The following ZNF516 variants were observed in gnomAD, a reference collection of about 807,000 sequenced individuals.
ZNF516 encodes zinc finger protein 516.
Under a neutral mutation model 79.7 loss-of-function variants are expected in ZNF516, and 19 were observed. That is an observed-to-expected ratio of 0.24 (90% CI 0.17 to 0.35). ZNF516 has a LOEUF of 0.35. Among genes scored for constraint, ZNF516 ranks in the 10% least tolerant of loss-of-function variants. The probability of loss-of-function intolerance (pLI) is 1.00; values close to 1 mark genes in which losing one functional copy is unlikely to be tolerated. For missense variants in ZNF516, 1,678 were observed against 1,679.5 expected, an observed-to-expected ratio of 1.00 and a Z score of 0.02; for synonymous variants, 877 against 739.5, an observed-to-expected ratio of 1.19 and a Z score of -3.02.
upstream of ZNF516, chr18:76,495,853 G>A: frequency 1.4e-6 from 1 of 695,540 alleles, no homozygotes; most frequent in Non-Finnish European, 1.9e-6. Flanking sequence ...TGCCTCTGGG[G>A]GTGTTCAGAT....
chr18:76,493,059 AC>A lies in ZNF516; in HGVS notation c.-272+2084del. ...GGATTGGCCAGCAGAGCCGTCACTC[AC>A]GCCCAGGGGGCAGGGAGACTTCGCA... On this transcript the variant is annotated intron_variant, in intron 1 of 6. Transcript: ENST00000443185. This position sits in a 1 kb window ranked among gnomAD's most constrained non-coding sequence, Gnocchi z 5.2. 1 of 984,004 alleles carries A rather than the reference AC, an allele frequency of 1.0e-6. No homozygotes were observed. The highest frequency in any genetic ancestry group is 1.8e-5 in the African/African-American group (1 of 56,880). 61.0% of individuals were successfully genotyped at this position (984,004 alleles called of 1,614,324 possible).
At chr18:76,492,254 G>T in intron 1 of ZNF516, 1 of 985,470 alleles carries the variant, frequency 1.0e-6, no homozygotes, top group Non-Finnish European at 1.2e-6. Flanking sequence ...GGCTCAGGTC[G>T]GGTCCGTACG....
chr18:76,364,454 G>A (rs965333326), intron 6 of ZNF516, among the ~76,000 whole-genome samples: 1 of 152,184 alleles, frequency 6.6e-6, no homozygotes, highest in African/African-American at 2.4e-5. Flanking sequence ...GGAAAGAGTA[G>A]TCAAAACATG....
chr18:76,423,822 T>TA (rs1568279098), intron 3 of ZNF516, among the ~76,000 whole-genome samples: 5 of 127,246 alleles, frequency 3.9e-5, no homozygotes, highest in Non-Finnish European at 7.9e-5. Context: ...GTGAAAAGGT[T>TA]CCCCCATGAA....
intron 6 of ZNF516, 147 bp downstream of exon 6, chr18:76,370,381 T>G: frequency 1.3e-6 from 1 of 779,174 alleles, no homozygotes; most frequent in Non-Finnish European, 1.9e-6. Context: ...CCCCGAAGGG[T>G]CAGGTTCCAA....
chr18:76,490,703 C>T lies in ZNF516; in HGVS notation c.-272+4441G>A, dbSNP rs564281658. The T allele has an allele frequency of 7.8e-5, 71 of 912,640 alleles. 1 individual carries two copies. The African/African-American group carries it at 1.2e-3, about 15-fold the overall frequency. 56.5% of individuals were successfully genotyped at this position (912,640 alleles called of 1,614,324 possible). On this transcript the variant is annotated intron_variant, in intron 1 of 6. Coordinates refer to ENST00000443185, the MANE Select transcript of ZNF516 (RefSeq NM_014643.4). ...TACCTTCAATCAAGATTCGAAACTG[C>T]ATGGCAGGCTGACGGGGGCAATGCC...
intron 3 of ZNF516, among the ~76,000 whole-genome samples, chr18:76,431,270 A>C (rs1046309387): frequency 6.0e-5 from 9 of 150,434 alleles, no homozygotes; most frequent in African/African-American, 1.2e-4. Context: ...CACACACACA[A>C]AAACACTTAT....
At chr18:76,433,393 A>G (rs1448227262) in intron 3 of ZNF516, among the ~76,000 whole-genome samples, 1 of 152,216 alleles carries the variant, frequency 6.6e-6, no homozygotes, top group Non-Finnish European at 1.5e-5. Context: ...CTTCAATGAG[A>G]TGGCAATTTG....
In ZNF516 at chr18:76,442,723, A is replaced by G; in HGVS notation, c.332T>C (p.Leu111Pro). Residue 111 changes from leucine to proline, a missense_variant, in exon 3 of 7, where the codon CTG becomes CCG. Leu to Pro is a moderately conservative substitution (Grantham distance 98). Coordinates refer to ENST00000443185, the MANE Select transcript of ZNF516 (RefSeq NM_014643.4). ...PLGEMRASEG[L>P]DACASPTKSA... Reference sequence around the variant, plus strand: ...CTTGGTGGGGCTGGCGCAGGCGTCCAGGCCCTCGGAGGCGCGCATCTCACC... The same window carrying G: ...CTTGGTGGGGCTGGCGCAGGCGTCCGGGCCCTCGGAGGCGCGCATCTCACC... 1.9e-6 allele frequency: 3 copies of G among 1,579,592 alleles called. No homozygotes were observed. In the South Asian group the frequency reaches 3.4e-5, roughly 18 times the overall value.
chr18:76,467,575 C>T lies in ZNF516; in HGVS notation c.-271-4434G>A, dbSNP rs1370901000. On this transcript the variant is annotated intron_variant, in intron 1 of 6. Coordinates refer to ENST00000443185, the MANE Select transcript of ZNF516 (RefSeq NM_014643.4). The surrounding 1 kb of genome is among the most constrained non-coding windows in gnomAD (Gnocchi z 4.2). ...CTCAGTCAAGGAGGGGACAAGGCTTCGGAGGCTGGTGGTGGGGAGGTCCAA... is the reference window on the plus strand; with the variant it reads ...CTCAGTCAAGGAGGGGACAAGGCTTTGGAGGCTGGTGGTGGGGAGGTCCAA... Among the ~76,000 whole-genome samples, 4 of 152,102 alleles carry T rather than the reference C, an allele frequency of 2.6e-5. No homozygotes were observed. The highest frequency in any genetic ancestry group is 5.9e-5 in the Non-Finnish European group (4 of 67,992).
In ZNF516 at chr18:76,474,731, C is replaced by A. The variant is rs544914428; in HGVS notation, c.-271-11590G>T. 2.6e-5 allele frequency among the ~76,000 whole-genome samples: 4 copies of A among 151,948 alleles called. No individual in the cohort carries two copies. The South Asian group carries it at 8.3e-4, about 32-fold the overall frequency. On this transcript the variant is annotated intron_variant, in intron 1 of 6. Transcript: ENST00000443185. ...AATCAGTAATTGGCTCTATGATAAC[C>A]CCAATGAATGAGATAAATAACTAGC...
intron 3 of ZNF516, among the ~76,000 whole-genome samples, chr18:76,436,119 C>T (rs1014506613): frequency 1.3e-5 from 2 of 152,230 alleles, no homozygotes; most frequent in South Asian, 2.1e-4. Flanking sequence ...GGGCAGAGCC[C>T]GGCCGAATGA....
intron 3 of ZNF516, among the ~76,000 whole-genome samples, chr18:76,440,429 T>A (rs957437616): frequency 3.0e-4 from 45 of 152,318 alleles, no homozygotes; most frequent in African/African-American, 9.6e-4. Flanking sequence ...AAAAACATCT[T>A]TGGCTTTGTG....
At position 76,451,055 on chromosome 18, in the gene ZNF516, C is replaced by T. The variant is rs986761983; in HGVS notation, c.-157-7844G>A. Among the ~76,000 whole-genome samples the T allele has an allele frequency of 3.9e-5, 6 of 152,046 alleles. No homozygotes were observed. Among genetic ancestry groups the T allele is most frequent in the African/African-American group, 1.4e-4 (6 of 41,384 alleles). ...ACCAAGCAAAGCTGACTGGGAGACA[C>T]CAGGGAGGAACAAAGGAGCGAGAGG... On this transcript the variant is annotated intron_variant, in intron 2 of 6. Transcript: ENST00000443185. This position sits in a 1 kb window ranked among gnomAD's most constrained non-coding sequence, Gnocchi z 6.0.
At chr18:76,434,042 C>T (rs1185810452) in intron 3 of ZNF516, among the ~76,000 whole-genome samples, 1 of 152,186 alleles carries the variant, frequency 6.6e-6, no homozygotes, top group African/African-American at 2.4e-5. Flanking sequence ...CTGCTCTGGC[C>T]GTTGCTGTCC....
chr18:76,423,776 C>A (rs78795027), intron 3 of ZNF516, among the ~76,000 whole-genome samples: 1 of 149,134 alleles, frequency 6.7e-6, no homozygotes, highest in Non-Finnish European at 1.5e-5. Context: ...CCGAAACACA[C>A]GCAGGTGAAA....
chr18:76,432,132 T>C (rs780868479), intron 3 of ZNF516, among the ~76,000 whole-genome samples: 1 of 152,230 alleles, frequency 6.6e-6, no homozygotes, highest in Non-Finnish European at 1.5e-5. Flanking sequence ...TTGGGATCTA[T>C]CTAGAGATCC....
At chr18:76,411,766 G>A (rs1368758963) in intron 3 of ZNF516, among the ~76,000 whole-genome samples, 1 of 152,136 alleles carries the variant, frequency 6.6e-6, no homozygotes. Flanking sequence ...ACAAAATGAG[G>A]AGGTGGATGG....
intron 3 of ZNF516, among the ~76,000 whole-genome samples, chr18:76,433,690 C>T (rs2075692571): frequency 6.6e-6 from 1 of 152,156 alleles, no homozygotes; most frequent in Non-Finnish European, 1.5e-5. Flanking sequence ...CAAGGAGGAA[C>T]ACCAAAGGGC....
Sources: gnomAD v4.1 joint callset for allele counts (sites outside exome capture counted in the v4.1 genomes callset) on GRCh38, gnomAD v4.1.1 for gene constraint, Gnocchi (gnomAD v3.1) non-coding constraint, MANE v1.5 for transcripts, NCBI Gene and HGNC (gene_info 2026-07-23, HGNC 2026-07-21) for gene names.